The following RGS5 variants were observed in gnomAD, a reference collection of about 807,000 sequenced individuals.
RGS5 encodes regulator of G-protein signalling 5.
RGS5 carries 20 observed loss-of-function variants against 18.9 expected under a neutral mutation model. The observed-to-expected ratio is 1.06, with a 90% CI of 0.74 to 1.54. RGS5 has a LOEUF of 1.54. Among genes scored for constraint, RGS5 ranks in the 40% most tolerant of loss-of-function variants. RGS5 has a pLI of 0.00. For synonymous variants in RGS5, 57 were observed against 76.2 expected (o/e 0.75, Z 1.31); for missense variants, 201 against 211.8 (o/e 0.95, Z 0.32).
intron 1 of RGS5, among the ~76,000 whole-genome samples, chr1:163,319,818 T>C (rs193067448): frequency 2.0e-5 from 3 of 152,182 alleles, no homozygotes; most frequent in Non-Finnish European, 4.4e-5. Context: ...AATACTAAAG[T>C]TTTCTGCAAT....
intron 2 of RGS5, among the ~76,000 whole-genome samples, chr1:163,289,668 TA>T (rs1316537453): frequency 7.9e-5 from 12 of 152,220 alleles, no homozygotes; most frequent in African/African-American, 2.9e-4. Context: ...ATGTTTGGGT[TA>T]ATTTATCTTT....
intron 4 of RGS5, among the ~76,000 whole-genome samples, chr1:163,149,027 C>A (rs377091869): frequency 2.1e-4 from 32 of 152,142 alleles, no homozygotes; most frequent in Middle Eastern, 3.2e-3. Flanking sequence ...CCCTGGGGAG[C>A]CAGGTCAGAA....
chr1:163,238,557 A>T, intron 2 of RGS5: 1 of 162,482 alleles, frequency 6.2e-6, no homozygotes. Context: ...CTTTTATGGG[A>T]CAATTGTAGA....
Position 163,202,792 on chromosome 1 carries a change from C to T in RGS5, c.44G>A (p.Arg15Lys). The T allele has an allele frequency of 3.7e-6, 6 of 1,613,396 alleles. No homozygotes were observed. The South Asian group carries it at 5.5e-5, about 15-fold the overall frequency. ...LAALPHSCLE[R>K]AKEIKIKLGI... The stretch of plus-strand genomic sequence containing the variant: ...TAAACAAAAATAACTTGGTTCTCAC[C>T]TTTCCAGGCATGAGTGGGGCAAAGC... The change falls in exon 1 of 5, where the codon AGG (arginine) becomes AAG (lysine). Residue 15 changes from arginine (R) to lysine (K), a missense_variant and splice_region_variant. Coordinates refer to ENST00000313961, the MANE Select transcript of RGS5 (RefSeq NM_003617.4).
At chr1:163,160,555 C>T (rs1285809864) in intron 3 of RGS5, among the ~76,000 whole-genome samples, 1 of 152,036 alleles carries the variant, frequency 6.6e-6, no homozygotes, top group Non-Finnish European at 1.5e-5. Flanking sequence ...AATGAATAAG[C>T]TAGAGAAAGT....
chr1:163,233,896 T>G (rs1647548448), intron 2 of RGS5, among the ~76,000 whole-genome samples: 1 of 152,168 alleles, frequency 6.6e-6, no homozygotes, highest in South Asian at 2.1e-4. Context: ...CAGGAACAGA[T>G]CACAATGGTG....
chr1:163,254,547 G>C lies in RGS5; in HGVS notation c.-281+51686C>G, dbSNP rs1044333226. Among the ~76,000 whole-genome samples the C allele has an allele frequency of 5.3e-5, 8 of 152,128 alleles. 1 individual carries two copies. The highest frequency in any genetic ancestry group is 1.9e-4 in the African/African-American group (8 of 41,536). On this transcript the variant is annotated intron_variant, in intron 2 of 5. Coordinates refer to the RGS5 transcript ENST00000618415. Reference sequence around the variant, plus strand: ...AGTTCATTGTAGATTCTGGATATTAGCCGTTTGTCAGTTGAGTAGGTTGTG... The same window carrying C: ...AGTTCATTGTAGATTCTGGATATTACCCGTTTGTCAGTTGAGTAGGTTGTG...
At chr1:163,311,889 G>T (rs1488400519) in intron 1 of RGS5, among the ~76,000 whole-genome samples, 1 of 152,182 alleles carries the variant, frequency 6.6e-6, no homozygotes, top group Non-Finnish European at 1.5e-5. Context: ...ATGTGGGGTT[G>T]CCACATACCT....
intron 2 of RGS5, among the ~76,000 whole-genome samples, chr1:163,281,116 C>T (rs1402211486): frequency 6.6e-6 from 1 of 152,082 alleles, no homozygotes; most frequent in African/African-American, 2.4e-5. Flanking sequence ...TGCACAAGTC[C>T]TCTCTTTGCC....
intron 2 of RGS5, among the ~76,000 whole-genome samples, chr1:163,162,411 G>A (rs980193536): frequency 1.3e-5 from 2 of 152,146 alleles, no homozygotes; most frequent in Admixed American, 1.3e-4. Flanking sequence ...TCAGCAGAGG[G>A]CATTGGGGTT....
At chr1:163,163,240 C>T (rs1571223716) in intron 2 of RGS5, among the ~76,000 whole-genome samples, 3 of 152,114 alleles carry the variant, frequency 2.0e-5, no homozygotes, top group Admixed American at 2.0e-4. Context: ...GAACATGCAT[C>T]GGTTGTGAGT....
chr1:163,269,171 G>A (rs1193089244), intron 2 of RGS5, among the ~76,000 whole-genome samples: 2 of 152,036 alleles, frequency 1.3e-5, no homozygotes, highest in African/African-American at 2.4e-5. Context: ...ACTGTTTGTG[G>A]GGCTATCTAA....
At chr1:163,305,822 T>C (rs995658041) in intron 2 of RGS5, among the ~76,000 whole-genome samples, 3 of 152,196 alleles carry the variant, frequency 2.0e-5, no homozygotes, top group Non-Finnish European at 4.4e-5. Flanking sequence ...GACTATCCTC[T>C]TAGCCAACTG....
intron 2 of RGS5, among the ~76,000 whole-genome samples, chr1:163,252,887 C>A (rs942580126): frequency 6.6e-6 from 1 of 152,168 alleles, no homozygotes; most frequent in Non-Finnish European, 1.5e-5. Flanking sequence ...ATAGGCCACT[C>A]TATTCTGAGC....
intron 1 of RGS5, among the ~76,000 whole-genome samples, chr1:163,209,480 T>C (rs926390721): frequency 1.3e-5 from 2 of 152,202 alleles, no homozygotes; most frequent in Admixed American, 1.3e-4. Flanking sequence ...CTGACATCTT[T>C]ATAGCATTAA....
At chr1:163,242,908 G>A (rs971150451) in intron 2 of RGS5, among the ~76,000 whole-genome samples, 2 of 152,184 alleles carry the variant, frequency 1.3e-5, no homozygotes, top group Admixed American at 6.5e-5. Flanking sequence ...GTGGGGAAGA[G>A]AGAATAAAAG....
intron 1 of RGS5, among the ~76,000 whole-genome samples, chr1:163,171,402 T>G (rs563921770): frequency 1.3e-4 from 20 of 152,304 alleles, no homozygotes; most frequent in African/African-American, 4.3e-4. Flanking sequence ...CCTCCCTTCC[T>G]GTGCACCCAT....
At chr1:163,186,223 AC>A (rs1281632200) in intron 1 of RGS5, among the ~76,000 whole-genome samples, 2 of 151,676 alleles carry the variant, frequency 1.3e-5, no homozygotes, top group Non-Finnish European at 2.9e-5. Context: ...GGTGCCCACC[AC>A]CACGCCTGGC....
Position 163,180,686 on chromosome 1 carries a change from G to GTTTTTTTTTTTTTTTTTTTTTTTTTT in RGS5, c.45-12344_45-12319dup, listed in dbSNP as rs1026995196. Among the ~76,000 whole-genome samples, 20 of 61,982 alleles carry GTTTTTTTTTTTTTTTTTTTTTTTTTT rather than the reference G, an allele frequency of 3.2e-4. 2 individuals are homozygous for GTTTTTTTTTTTTTTTTTTTTTTTTTT. The highest frequency in any genetic ancestry group is 6.4e-4 in the African/African-American group (9 of 14,036). 40.7% of individuals were successfully genotyped at this position (61,982 alleles called of 152,430 possible). ...CCCTTTGTAATAAAGCCCTTACCCTGTTTTTTTTTTTTTTTTTTTTTTTTT... is the reference window on the plus strand; with the variant it reads ...CCCTTTGTAATAAAGCCCTTACCCTGTTTTTTTTTTTTTTTTTTTTTTTTTTTTTTTTTTTTTTTTTTTTTTTTTTT... On this transcript the variant is annotated intron_variant, in intron 1 of 4. Transcript: ENST00000313961.
Sources: gnomAD v4.1 joint callset for allele counts (sites outside exome capture counted in the v4.1 genomes callset) on GRCh38, gnomAD v4.1.1 for gene constraint, MANE v1.5 for transcripts, NCBI Gene and HGNC (gene_info 2026-07-23, HGNC 2026-07-21) for gene names.